RBM4: variants seen among roughly 807,000 people sequenced by gnomAD.
The protein encoded by RBM4 is RNA binding motif protein 4.
RBM4 carries 7 observed loss-of-function variants against 29.5 expected under a neutral mutation model. That is an observed-to-expected ratio of 0.24 (90% confidence interval 0.14 to 0.45). The LOEUF is 0.45. Ranked by LOEUF, RBM4 falls within the 20% of genes least tolerant of loss-of-function variation. The probability of loss-of-function intolerance (pLI) is 1.00; values close to 1 mark genes in which losing one functional copy is unlikely to be tolerated. For missense variants in RBM4, 387 were observed against 502.3 expected, an observed-to-expected ratio of 0.77 and a Z score of 2.19; for synonymous variants, 220 against 205.4, an observed-to-expected ratio of 1.07 and a Z score of -0.61.
chr11:66,662,950 T>TGGACAGGTTA (rs1939112732), intron 2 of RBM4, among the ~76,000 whole-genome samples: 1 of 152,234 alleles, frequency 6.6e-6, no homozygotes, highest in South Asian at 2.1e-4. Context: ...TGTGCATGGA[T>TGGACAGGTTA]GGACAGGTTA....
In RBM4 at chr11:66,642,479, A is replaced by G. The variant is rs1397784558; in HGVS notation, c.413-971A>G. On this transcript the variant is annotated intron_variant, in intron 2 of 3. Coordinates refer to ENST00000310092, the MANE Select transcript of RBM4 (RefSeq NM_002896.4). Reference sequence around the variant, plus strand: ...CTAGAAAAGTTTCTGCTTTTATTACATTTTCAGAAGTAATACTTTTCATTT... The same window carrying G: ...CTAGAAAAGTTTCTGCTTTTATTACGTTTTCAGAAGTAATACTTTTCATTT... Among the ~76,000 whole-genome samples the G allele has an allele frequency of 2.6e-5, 4 of 152,108 alleles. No individual in the cohort carries two copies. In the South Asian group the frequency reaches 8.3e-4, roughly 32 times the overall value.
In RBM4 at chr11:66,641,656, ACT is replaced by A. The variant is rs1938469645; in HGVS notation, c.412+1536_412+1537del. ...TCAGGACAAATTATCCTTATATAAA[ACT>A]CTGGGTGTCTGAACCCTAGGTCCCC... On this transcript the variant is annotated intron_variant, in intron 2 of 3. Transcript: ENST00000310092. Among the ~76,000 whole-genome samples, 3 of 151,768 alleles carry A rather than the reference ACT, an allele frequency of 2.0e-5. No homozygotes were observed. The South Asian group carries it at 6.2e-4, about 32-fold the overall frequency.
chr11:66,649,199 G>A (rs1461475318), downstream of RBM4, among the ~76,000 whole-genome samples: 1 of 152,038 alleles, frequency 6.6e-6, no homozygotes, highest in Non-Finnish European at 1.5e-5. Flanking sequence ...TAGAGATGGA[G>A]TTTCACCATG....
At chr11:66,655,062 T>C (rs1001317182) in intron 2 of RBM4, among the ~76,000 whole-genome samples, 9 of 152,072 alleles carry the variant, frequency 5.9e-5, no homozygotes, top group African/African-American at 2.2e-4. Context: ...CTCGGCTCAC[T>C]GCAACCTCTG....
intron 2 of RBM4, chr11:66,665,661 C>T (rs1939198372): frequency 1.3e-6 from 2 of 1,527,514 alleles, no homozygotes; most frequent in South Asian, 1.2e-5. Context: ...GGGTCCTGTC[C>T]TGTATTCCGG....
At chr11:66,653,715 G>A (rs1319968967) in intron 2 of RBM4, among the ~76,000 whole-genome samples, 1 of 151,780 alleles carries the variant, frequency 6.6e-6, no homozygotes, top group African/African-American at 2.4e-5. Context: ...CACAAAATAT[G>A]TTAATTGACA....
intron 2 of RBM4, among the ~76,000 whole-genome samples, chr11:66,660,907 G>A (rs1375258520): frequency 6.6e-6 from 1 of 151,074 alleles, no homozygotes; most frequent in African/African-American, 2.4e-5. Flanking sequence ...CACCCGACTC[G>A]GCCTCCCAAA....
downstream of RBM4, among the ~76,000 whole-genome samples, chr11:66,649,152 G>A (rs764925764): frequency 6.6e-6 from 1 of 151,854 alleles, no homozygotes; most frequent in African/African-American, 2.4e-5. Flanking sequence ...GATTACAGGC[G>A]CCTGCCACCA....
rs1938588824 is a variant in RBM4, at chr11:66,644,159, TC to T, written c.*8+22del. 2 of 1,590,472 alleles carry T rather than the reference TC, an allele frequency of 1.3e-6. No homozygotes were observed. The highest frequency in any genetic ancestry group is 1.7e-6 in the Non-Finnish European group (2 of 1,167,876). ...GCTTGAGGTGAGAGGGGTGGGGTGT[TC>T]CCTCTTCTGGTTTTGCCATCCCTCC... On this transcript the variant is annotated intron_variant, in intron 3 of 3. Coordinates refer to ENST00000310092, the MANE Select transcript of RBM4 (RefSeq NM_002896.4).
At chr11:66,657,033 C>G (rs1040261402) in intron 2 of RBM4, among the ~76,000 whole-genome samples, 1 of 147,044 alleles carries the variant, frequency 6.8e-6, no homozygotes, top group Non-Finnish European at 1.5e-5. Flanking sequence ...AATCAAAATA[C>G]AGAACATTTT....
downstream of RBM4, among the ~76,000 whole-genome samples, chr11:66,649,526 A>C (rs1436303812): frequency 6.6e-6 from 1 of 152,182 alleles, no homozygotes; most frequent in Non-Finnish European, 1.5e-5. Flanking sequence ...TAGGTGACAG[A>C]GCAAGACGAA....
At chr11:66,650,834 G>GCCT (rs1938811623), downstream of RBM4, among the ~76,000 whole-genome samples, 5 of 152,158 alleles carry the variant, frequency 3.3e-5, no homozygotes, top group Non-Finnish European at 5.9e-5. Flanking sequence ...CTGCACTCCA[G>GCCT]CCGGGGCAAC....
At position 66,640,049 on chromosome 11, in the gene RBM4, A is replaced by T; in HGVS notation, c.338A>T (p.Tyr113Phe). Reference sequence around the variant, plus strand: ...ATCGAATGTGACATCGTGAAAGATTATGCCTTCGTACACATGGAGCGGGCA... The same window carrying T: ...ATCGAATGTGACATCGTGAAAGATTTTGCCTTCGTACACATGGAGCGGGCA... ...PVIECDIVKD[Y>F]AFVHMERAED... Residue 113 changes from tyrosine (Y) to phenylalanine (F), a missense_variant, in exon 2 of 4, where the codon TAT becomes TTT. Physicochemically the swap from Tyr to Phe is conservative, Grantham distance 22. This residue lies in a region of RBM4 where 106 missense variants were observed against 213.6 expected (regional missense o/e 0.50). Coordinates refer to ENST00000310092, the MANE Select transcript of RBM4 (RefSeq NM_002896.4). 3 of 1,614,200 alleles carry T rather than the reference A, an allele frequency of 1.9e-6. No individual in the cohort carries two copies. The highest frequency in any genetic ancestry group is 2.5e-6 in the Non-Finnish European group (3 of 1,180,036).
At chr11:66,654,504 A>AT (rs1565086182) in intron 2 of RBM4, among the ~76,000 whole-genome samples, 9 of 151,610 alleles carry the variant, frequency 5.9e-5, no homozygotes, top group Non-Finnish European at 1.3e-4. Context: ...TCAAAAAAAA[A>AT]ATTTTTTTTA....
chr11:66,651,640 G>T (rs888534675), intron 2 of RBM4, among the ~76,000 whole-genome samples: 8 of 152,140 alleles, frequency 5.3e-5, no homozygotes, highest in Admixed American at 2.6e-4. Context: ...GAGCCACCAT[G>T]CCCCGCCAAC....
At chr11:66,665,537 T>TA in intron 2 of RBM4, 1 of 1,490,528 alleles carries the variant, frequency 6.7e-7, no homozygotes, top group Non-Finnish European at 9.0e-7. Flanking sequence ...CAAGTTCTCA[T>TA]ATATGACCGC....
downstream of RBM4, among the ~76,000 whole-genome samples, chr11:66,651,248 G>A (rs1938825345): frequency 6.6e-6 from 1 of 151,606 alleles, no homozygotes; most frequent in Non-Finnish European, 1.5e-5. Context: ...CTCATTCTGA[G>A]GTAAAGGAAA....
downstream of RBM4, among the ~76,000 whole-genome samples, chr11:66,649,221 C>A (rs1018208106): frequency 5.3e-5 from 8 of 152,084 alleles, no homozygotes; most frequent in African/African-American, 1.9e-4. Context: ...CCAAGCTGGT[C>A]TCAAACTCCT....
At chr11:66,665,654 T>A in intron 2 of RBM4, 2 of 1,531,442 alleles carry the variant, frequency 1.3e-6, no homozygotes, top group South Asian at 2.4e-5. Context: ...GCGCCCTGGG[T>A]CCTGTCCTGT....
Sources: gnomAD v4.1 joint callset for allele counts (sites outside exome capture counted in the v4.1 genomes callset) on GRCh38, gnomAD v4.1.1 for gene constraint, gnomAD v4.1.1 regional missense constraint, MANE v1.5 for transcripts, NCBI Gene and HGNC (gene_info 2026-07-23, HGNC 2026-07-21) for gene names.